Variants in ZNF600 observed in about 807,000 individuals in gnomAD.
ZNF600 encodes the protein zinc finger protein KR-ZNF1.
A neutral mutation model predicts 7.3 loss-of-function variants in ZNF600; 4 were observed. The ratio of observed to expected loss-of-function variants is 0.55; its 90% CI spans 0.27 to 1.25. The LOEUF (loss-of-function observed/expected upper bound fraction) is 1.25. Among genes scored for constraint, ZNF600 ranks in the 50% most tolerant of loss-of-function variants. The pLI, the probability that ZNF600 is intolerant of heterozygous loss-of-function variation, is 0.12. For synonymous variants in ZNF600, 290 were observed against 308.9 expected (o/e 0.94, Z 0.64); for missense variants, 911 against 922.1 (o/e 0.99, Z 0.16).
At chr19:52,821,145 A>G in the ZNF600 span, among the ~76,000 whole-genome samples, 1 of 151,646 alleles carries the variant, frequency 6.6e-6, no homozygotes, top group Non-Finnish European at 1.5e-5. Context: ...GGGAGCGACG[A>G]CGCCTTCGGA....
intron 1 of ZNF600, among the ~76,000 whole-genome samples, chr19:52,780,116 T>C (rs2062708423): frequency 6.6e-6 from 1 of 152,136 alleles, no homozygotes; most frequent in South Asian, 2.1e-4. Context: ...TTGTTTAAAG[T>C]TCTCCCACCT....
At chr19:52,825,087 G>T in the ZNF600 span, among the ~76,000 whole-genome samples, 2 of 152,032 alleles carry the variant, frequency 1.3e-5, no homozygotes, top group Admixed American at 1.3e-4. Context: ...TTTTACACCT[G>T]GGGGTAGGGA....
At chr19:52,775,931 G>T (rs1251569031) in intron 2 of ZNF600, among the ~76,000 whole-genome samples, 1 of 151,942 alleles carries the variant, frequency 6.6e-6, no homozygotes, top group Non-Finnish European at 1.5e-5. Flanking sequence ...GCTTGAAACT[G>T]GGAGGTGGAG....
the ZNF600 span, chr19:52,817,843 A>G: frequency 1.8e-5 from 28 of 1,584,438 alleles, no homozygotes; most frequent in Middle Eastern, 3.3e-4. Flanking sequence ...GAGCAAACAT[A>G]TCAGGCAGGA....
chr19:52,786,290 C>T (rs1028394736), intron 1 of ZNF600, among the ~76,000 whole-genome samples: 5 of 152,182 alleles, frequency 3.3e-5, no homozygotes, highest in South Asian at 2.1e-4. Context: ...CGACGGCACC[C>T]TAAGACAAAG....
chr19:52,801,548 A>T, the ZNF600 span: 33 of 1,613,988 alleles, frequency 2.0e-5, no homozygotes, highest in Non-Finnish European at 2.6e-5. Flanking sequence ...CTTTCCACTG[A>T]AACTGGAAGC....
At chr19:52,828,515 A>G in the ZNF600 span, among the ~76,000 whole-genome samples, 1 of 152,174 alleles carries the variant, frequency 6.6e-6, no homozygotes, top group African/African-American at 2.4e-5. Context: ...CTCAATTACG[A>G]TGTTACAACT....
chr19:52,800,630 A>G, the ZNF600 span: 12 of 1,613,226 alleles, frequency 7.4e-6, no homozygotes, highest in Non-Finnish European at 9.3e-6. Context: ...TCTCTCCAGT[A>G]TGAATCCTCT....
At chr19:52,784,132 T>G (rs1195357617) in intron 1 of ZNF600, among the ~76,000 whole-genome samples, 1 of 152,142 alleles carries the variant, frequency 6.6e-6, no homozygotes, top group Admixed American at 6.6e-5. Flanking sequence ...CTCATCCCTG[T>G]AATCCCAGTA....
In ZNF600 at chr19:52,767,777, A is replaced by C; in HGVS notation, c.191-5T>G. ...TCATGCGTTTGGAAGAGATATCTAC[A>C]AAATATAAACAACAATAGGTTTCCA... On this transcript the variant is annotated splice_region_variant and splice_polypyrimidine_tract_variant and intron_variant, in intron 3 of 3. Transcript: ENST00000648973. The C allele has an allele frequency of 6.5e-7, 1 of 1,549,978 alleles. No individual in the cohort carries two copies. The highest frequency in any genetic ancestry group is 2.2e-5 in the East Asian group (1 of 44,446).
chr19:52,809,108 C>T, the ZNF600 span, among the ~76,000 whole-genome samples: 12 of 152,100 alleles, frequency 7.9e-5, no homozygotes, highest in Non-Finnish European at 1.6e-4. Flanking sequence ...GAAGAGGAAT[C>T]TCATCTTGCT....
At chr19:52,809,188 T>C in the ZNF600 span, among the ~76,000 whole-genome samples, 1 of 152,156 alleles carries the variant, frequency 6.6e-6, no homozygotes, top group Non-Finnish European at 1.5e-5. Context: ...AAATGCCCCA[T>C]CCTAGAAGAA....
At chr19:52,813,668 A>C in the ZNF600 span, among the ~76,000 whole-genome samples, 1 of 121,836 alleles carries the variant, frequency 8.2e-6, no homozygotes, top group African/African-American at 3.5e-5. Flanking sequence ...CTGGTGATCT[A>C]TTTTGTTTCC....
At chr19:52,809,071 A>G in the ZNF600 span, among the ~76,000 whole-genome samples, 1 of 152,216 alleles carries the variant, frequency 6.6e-6, no homozygotes, top group African/African-American at 2.4e-5. Context: ...TTTAAAAAAT[A>G]TAAAAAGTAG....
At chr19:52,831,589 A>G in the ZNF600 span, among the ~76,000 whole-genome samples, 3 of 149,382 alleles carry the variant, frequency 2.0e-5, no homozygotes, top group East Asian at 2.0e-4. Context: ...TGCAAGCTCC[A>G]CCTCCCAGAT....
At chr19:52,829,688 G>A in the ZNF600 span, among the ~76,000 whole-genome samples, 1 of 151,974 alleles carries the variant, frequency 6.6e-6, no homozygotes, top group Non-Finnish European at 1.5e-5. Flanking sequence ...ATTGTTTTGT[G>A]TTCAGTAGAT....
chr19:52,818,885 G>GAA, the ZNF600 span, among the ~76,000 whole-genome samples: 28 of 114,324 alleles, frequency 2.4e-4, no homozygotes, highest in East Asian at 7.7e-3. Context: ...GTCTGTTTGG[G>GAA]AAAAAAAAAA....
chr19:52,831,558 A>C, the ZNF600 span, among the ~76,000 whole-genome samples: 1 of 151,500 alleles, frequency 6.6e-6, no homozygotes, highest in Non-Finnish European at 1.5e-5. Flanking sequence ...GCTGGAGTGC[A>C]ATGGTGCGAT....
chr19:52,782,006 A>T (rs1303795575), intron 1 of ZNF600, among the ~76,000 whole-genome samples: 1 of 152,060 alleles, frequency 6.6e-6, no homozygotes, highest in African/African-American at 2.4e-5. Flanking sequence ...GTTTGCAGTG[A>T]GACGAGATCG....
Sources: gnomAD v4.1 joint callset for allele counts (sites outside exome capture counted in the v4.1 genomes callset) on GRCh38, gnomAD v4.1.1 for gene constraint, MANE v1.5 for transcripts, NCBI Gene and HGNC (gene_info 2026-07-23, HGNC 2026-07-21) for gene names.